R3HDM2: variants seen among roughly 807,000 people sequenced by gnomAD.
R3HDM2 encodes the protein R3H domain containing 2.
Under a neutral mutation model 124.5 loss-of-function variants are expected in R3HDM2, and 38 were observed. The observed-to-expected ratio is 0.31, with a 90% confidence interval of 0.24 to 0.40. The LOEUF is 0.40. Ranked by LOEUF, R3HDM2 falls within the 10% of genes least tolerant of loss-of-function variation. R3HDM2 has a pLI of 1.00. For missense variants in R3HDM2, 869 were observed against 1,236.9 expected (o/e 0.70, Z 4.46); for synonymous variants, 391 against 448.0 (o/e 0.87, Z 1.61).
chr12:57,353,347 AATAAAG>A (rs1198739260), intron 2 of R3HDM2, among the ~76,000 whole-genome samples: 1 of 152,172 alleles, frequency 6.6e-6, no homozygotes, highest in African/African-American at 2.4e-5. Context: ...AATGACTAAT[AATAAAG>A]ATAAATTCAT....
Position 57,338,721 on chromosome 12 carries a change from T to A in R3HDM2, c.-35-28258A>T, listed in dbSNP as rs550685929. Among the ~76,000 whole-genome samples the A allele has an allele frequency of 2.8e-4, 42 of 151,990 alleles. No homozygotes were observed. In the South Asian group the frequency reaches 8.5e-3, roughly 31 times the overall value. On this transcript the variant is annotated intron_variant, in intron 2 of 23. Coordinates refer to ENST00000402412, the MANE Select transcript of R3HDM2 (RefSeq NM_001394031.1). The stretch of plus-strand genomic sequence containing the variant: ...CCTGATGTTCATTTTAAAAACTCAA[T>A]CTCGTACATGGCTTGAAAATCTCTT...
chr12:57,299,285 C>T, intron 6 of R3HDM2, 67 bp downstream of exon 6: 1 of 1,461,424 alleles, frequency 6.8e-7, no homozygotes, highest in African/African-American at 1.4e-5. Context: ...CTGGCAGGTG[C>T]CAGGCTTCAG....
In R3HDM2 at chr12:57,308,554, C is replaced by T. The variant is rs191618347; in HGVS notation, c.165+1710G>A. On this transcript the variant is annotated intron_variant, in intron 3 of 23. Transcript: ENST00000402412. ...ACAAAAAATTAGCCGGGTGTCGTGG[C>T]GGGCGCCTGTAATCCCAACTACTCG... is the stretch of plus-strand genomic sequence containing the variant. Among the ~76,000 whole-genome samples the T allele has an allele frequency of 1.7e-3, 257 of 151,712 alleles. 2 individuals are homozygous for T. The highest frequency in any genetic ancestry group is 3.9e-3 in the Admixed American group (59 of 15,214).
intron 2 of R3HDM2, among the ~76,000 whole-genome samples, chr12:57,349,839 C>A (rs1346378227): frequency 6.7e-6 from 1 of 149,628 alleles, no homozygotes; most frequent in Admixed American, 6.7e-5. Context: ...GGATTACAGG[C>A]GTGAGCCACA....
chr12:57,324,463 G>A (rs949939629), intron 2 of R3HDM2, among the ~76,000 whole-genome samples: 5 of 152,156 alleles, frequency 3.3e-5, no homozygotes, highest in Admixed American at 2.0e-4. Flanking sequence ...GATTACAGGC[G>A]TAAGCCACTG....
intron 3 of R3HDM2, among the ~76,000 whole-genome samples, chr12:57,304,259 C>T (rs1332696197): frequency 6.6e-6 from 1 of 151,968 alleles, no homozygotes; most frequent in Non-Finnish European, 1.5e-5. Context: ...AGAATGAAGG[C>T]GTAAGGTGGG....
At position 57,258,098 on chromosome 12, in the gene R3HDM2, T is replaced by C. The variant is rs1162068968; in HGVS notation, c.2341A>G (p.Thr781Ala). The C allele has an allele frequency of 1.3e-6, 2 of 1,588,094 alleles. No homozygotes were observed. The highest frequency in any genetic ancestry group is 1.7e-6 in the Non-Finnish European group (2 of 1,165,074). The change falls in exon 21 of 24, where the codon ACC (threonine) becomes GCC (alanine). Residue 781 changes from threonine (T) to alanine (A), a missense_variant. Thr to Ala is a moderately conservative substitution (Grantham distance 58, BLOSUM62 0). Coordinates refer to ENST00000402412, the MANE Select transcript of R3HDM2 (RefSeq NM_001394031.1). Reference sequence around the variant, plus strand: ...ACAGGAGAGGGTGCTGGAGACTGGGTAGGAGATGTGACAGGGCTGCTGCTC... The same window carrying C: ...ACAGGAGAGGGTGCTGGAGACTGGGCAGGAGATGTGACAGGGCTGCTGCTC... ...QMSSSPVTSP[T>A]QSPAPSPVTS...
chr12:57,256,146 G>C, intron 22 of R3HDM2, 72 bp from the exon 23 acceptor site: 3 of 1,474,418 alleles, frequency 2.0e-6, no homozygotes, highest in Non-Finnish European at 2.8e-6. Context: ...ATGTCTGCCT[G>C]AGAGATTGTG....
chr12:57,409,660 A>C (rs2068843621), intron 1 of R3HDM2, among the ~76,000 whole-genome samples: 1 of 152,134 alleles, frequency 6.6e-6, no homozygotes, highest in South Asian at 2.1e-4. Context: ...AGTACCTACA[A>C]GCTTCAGAGA....
intron 1 of R3HDM2, among the ~76,000 whole-genome samples, chr12:57,408,150 C>T (rs1312950896): frequency 1.3e-5 from 2 of 152,138 alleles, no homozygotes; most frequent in Non-Finnish European, 2.9e-5. Context: ...AGGCTGATCT[C>T]GAACTCCTAA....
intron 2 of R3HDM2, among the ~76,000 whole-genome samples, chr12:57,320,030 C>G (rs975498024): frequency 6.6e-6 from 1 of 151,848 alleles, no homozygotes; most frequent in African/African-American, 2.4e-5. Context: ...CTTTGGGAGG[C>G]GGGCGGATCA....
intron 2 of R3HDM2, among the ~76,000 whole-genome samples, chr12:57,378,309 C>T (rs545588527): frequency 6.6e-6 from 1 of 152,252 alleles, no homozygotes; most frequent in East Asian, 1.9e-4. Context: ...AAACTATAAT[C>T]AAGAGAGCTG....
intron 1 of R3HDM2, among the ~76,000 whole-genome samples, chr12:57,418,564 C>CTTT (rs777162116): frequency 7.0e-6 from 1 of 142,544 alleles, no homozygotes; most frequent in African/African-American, 2.6e-5. Context: ...TTGATATCTT[C>CTTT]TTTTTTTTTT....
At chr12:57,311,681 T>A (rs2053946662) in intron 2 of R3HDM2, among the ~76,000 whole-genome samples, 1 of 152,164 alleles carries the variant, frequency 6.6e-6, no homozygotes, top group Admixed American at 6.5e-5. Flanking sequence ...CCTTAAATTC[T>A]TTCCTTTATC....
In R3HDM2 at chr12:57,283,872, T is replaced by C. The variant is rs1479053977; in HGVS notation, c.1123A>G (p.Ser375Gly). Reference sequence around the variant, plus strand: ...CTGCCGCCTTTACTGCTGCCGATGCTGTCACCTCGGGTAAGGATAGAGATT... The same window carrying C: ...CTGCCGCCTTTACTGCTGCCGATGCCGTCACCTCGGGTAAGGATAGAGATT... ...SGISILTRGD[S>G]IGSSKGGSAG... Residue 375 changes from serine to glycine, a missense_variant, in exon 13 of 24, where the codon AGC becomes GGC. By Grantham distance (56) the Ser-to-Gly change is moderately conservative. Coordinates refer to ENST00000402412, the MANE Select transcript of R3HDM2 (RefSeq NM_001394031.1). 9.3e-6 allele frequency: 15 copies of C among 1,614,240 alleles called. 1 individual carries two copies. The highest frequency in any genetic ancestry group is 3.3e-5 in the South Asian group (3 of 91,086).
chr12:57,376,230 C>T (rs1401217723), intron 2 of R3HDM2, among the ~76,000 whole-genome samples: 6 of 152,236 alleles, frequency 3.9e-5, no homozygotes, highest in East Asian at 1.9e-4. Flanking sequence ...GAGCCTTACT[C>T]GACTACTCTC....
rs1402237997 is a variant in R3HDM2 at position 57,317,055 on chromosome 12, G to T, written c.-35-6592C>A. ...AGACATCGCACCTGGCCTAATTTTTGTATTTTTGTAGAGATGGGGTTTTGC... is the reference window on the plus strand; with the variant it reads ...AGACATCGCACCTGGCCTAATTTTTTTATTTTTGTAGAGATGGGGTTTTGC... On this transcript the variant is annotated intron_variant, in intron 2 of 23. Coordinates refer to ENST00000402412, the MANE Select transcript of R3HDM2 (RefSeq NM_001394031.1). Among the ~76,000 whole-genome samples the T allele has an allele frequency of 6.6e-5, 10 of 151,702 alleles. No individual in the cohort carries two copies. In the South Asian group the frequency reaches 2.1e-3, roughly 32 times the overall value.
chr12:57,314,709 G>A (rs1026589452), intron 2 of R3HDM2, among the ~76,000 whole-genome samples: 1 of 152,072 alleles, frequency 6.6e-6, no homozygotes, highest in South Asian at 2.1e-4. Context: ...CTTCAATCTT[G>A]ATCCTAAATC....
At chr12:57,297,507 C>T (rs1265818548) in intron 7 of R3HDM2, 120 bp from the exon 8 acceptor site, 1 of 594,222 alleles carries the variant, frequency 1.7e-6, no homozygotes. Flanking sequence ...GGTATATATC[C>T]AAACCCAGTA....
Sources: gnomAD v4.1 joint callset for allele counts (sites outside exome capture counted in the v4.1 genomes callset) on GRCh38, gnomAD v4.1.1 for gene constraint, MANE v1.5 for transcripts, NCBI Gene and HGNC (gene_info 2026-07-23, HGNC 2026-07-21) for gene names.